The following HIVEP1 variants were observed in gnomAD, a reference collection of about 807,000 sequenced individuals.
HIVEP1 encodes HIVEP zinc finger 1, also known as zinc finger protein 40.
HIVEP1 carries 36 observed loss-of-function variants against 180.0 expected under a neutral mutation model. The ratio of observed to expected loss-of-function variants is 0.20; its 90% confidence interval spans 0.15 to 0.26. The LOEUF is 0.26. HIVEP1 is among the 10% of genes least tolerant of loss of function. HIVEP1 has a pLI of 1.00. For synonymous variants in HIVEP1, 1,239 were observed against 1,239.0 expected (o/e 1.00, Z 0.00); for missense variants, 3,143 against 3,268.7 (o/e 0.96, Z 0.94).
At position 12,123,694 on chromosome 6, in the gene HIVEP1, C is replaced by T. The variant is rs765842096; in HGVS notation, c.3899C>T (p.Ser1300Phe). The T allele has an allele frequency of 1.2e-6, 2 of 1,613,950 alleles. No individual in the cohort carries two copies. The highest frequency in any genetic ancestry group is 2.2e-5 in the East Asian group (1 of 44,890). ...TCCTCAACAGAATCGAGCTTTGATT[C>T]CACTCTCTCCAGGAGTCTAAGTAGG... ...EHSSTESSFD[S>F]TLSRSLSRES... The change falls in exon 4 of 9, where the codon TCC becomes TTC. Residue 1300 changes from serine to phenylalanine, a missense_variant. By Grantham distance (155) the Ser-to-Phe change is radical. This residue lies in a region of HIVEP1 where 1,357 missense variants were observed against 1,260.5 expected (regional missense o/e 1.08). Coordinates refer to ENST00000379388, the MANE Select transcript of HIVEP1 (RefSeq NM_002114.4).
At chr6:12,129,634 C>G (rs1323557111) in intron 4 of HIVEP1, 125 bp from the exon 5 acceptor site, 1 of 773,580 alleles carries the variant, frequency 1.3e-6, no homozygotes, top group Non-Finnish European at 2.3e-6. Flanking sequence ...GAACCTATTA[C>G]TACTTTGAAA....
At chr6:12,092,312 A>G (rs1267808584) in intron 3 of HIVEP1, among the ~76,000 whole-genome samples, 1 of 152,218 alleles carries the variant, frequency 6.6e-6, no homozygotes, top group Non-Finnish European at 1.5e-5. Flanking sequence ...GAACTTTTAA[A>G]TGAAACCATA....
chr6:12,076,027 C>G (rs1159235497), intron 2 of HIVEP1, among the ~76,000 whole-genome samples: 1 of 152,126 alleles, frequency 6.6e-6, no homozygotes, highest in Non-Finnish European at 1.5e-5. Flanking sequence ...TTCTTTTGAT[C>G]TGTGGGTACC....
chr6:12,026,076 A>G (rs969958535), intron 2 of HIVEP1, among the ~76,000 whole-genome samples: 18 of 152,296 alleles, frequency 1.2e-4, no homozygotes, highest in African/African-American at 4.3e-4. Context: ...AAGGGATCAT[A>G]GAGAATTCTG....
At chr6:12,130,034 A>T in intron 5 of HIVEP1, 142 bp downstream of exon 5, 1 of 619,456 alleles carries the variant, frequency 1.6e-6, no homozygotes, top group Non-Finnish European at 2.9e-6. Context: ...TCTCCATAGC[A>T]AAATATGTTA....
chr6:12,133,424 A>G (rs990941509), intron 6 of HIVEP1, among the ~76,000 whole-genome samples: 3 of 152,218 alleles, frequency 2.0e-5, no homozygotes, highest in Non-Finnish European at 4.4e-5. Flanking sequence ...CAGAAAAATT[A>G]TTTATTAAAT....
Position 12,124,752 on chromosome 6 carries a change from A to G in HIVEP1, c.4957A>G (p.Thr1653Ala). Reference sequence around the variant, plus strand: ...TCCTGCTTACTGTTTTGCTACACTCACATCCCTGCCACAAATACTAGTGAC... The same window carrying G: ...TCCTGCTTACTGTTTTGCTACACTCGCATCCCTGCCACAAATACTAGTGAC... ...SVPAYCFATLTSLPQILVTQD... is the reference protein window; with the variant it reads ...SVPAYCFATLASLPQILVTQD... The change falls in exon 4 of 9, where the codon ACA becomes GCA. Residue 1653 changes from threonine (T) to alanine (A), a missense_variant. Thr to Ala is a moderately conservative substitution (Grantham distance 58). Around this residue, in one of 12 missense-constraint regions of HIVEP1, gnomAD observed 1,357 missense variants for 1,260.5 expected, o/e 1.08. Coordinates refer to ENST00000379388, the MANE Select transcript of HIVEP1 (RefSeq NM_002114.4). 6.2e-7 allele frequency: 1 copy of G among 1,614,174 alleles called. No homozygotes were observed. Among genetic ancestry groups the G allele is most frequent in the Non-Finnish European group, 8.5e-7 (1 of 1,180,018 alleles).
intron 6 of HIVEP1, among the ~76,000 whole-genome samples, chr6:12,131,391 C>G (rs1758408413): frequency 1.3e-5 from 2 of 151,374 alleles, no homozygotes; most frequent in Admixed American, 6.6e-5. Flanking sequence ...GTTTTATTGT[C>G]TGATTTTAGG....
chr6:12,017,008 C>A (rs567029684), intron 2 of HIVEP1, among the ~76,000 whole-genome samples: 141 of 152,308 alleles, frequency 9.3e-4, no homozygotes, highest in Non-Finnish European at 1.7e-3. Flanking sequence ...TTCCTGGCAG[C>A]TAATGGCAGC....
intron 2 of HIVEP1, among the ~76,000 whole-genome samples, chr6:12,072,048 A>G (rs922107904): frequency 6.6e-6 from 1 of 150,840 alleles, no homozygotes; most frequent in Non-Finnish European, 1.5e-5. Flanking sequence ...GATTTTGTGG[A>G]CCTCATAGTC....
intron 7 of HIVEP1, among the ~76,000 whole-genome samples, chr6:12,158,914 C>T (rs754467983): frequency 3.3e-5 from 5 of 152,258 alleles, no homozygotes; most frequent in East Asian, 3.9e-4. Flanking sequence ...TGGAACACAG[C>T]GGACACTTCT....
In HIVEP1 at chr6:12,125,108, T is replaced by G; in HGVS notation, c.5313T>G (p.Ala1771=). 2 of 1,613,568 alleles carry G rather than the reference T, an allele frequency of 1.2e-6. No individual in the cohort carries two copies. Among genetic ancestry groups the G allele is most frequent in the Non-Finnish European group, 1.7e-6 (2 of 1,179,830 alleles). The part of the protein sequence containing the change: ...HQKRAKDENG[A]VCATDVRPLE... ...AGCGGGCCAAAGATGAAAATGGAGC[T>G]GTTTGTGCAACAGACGTGAGACCTT... The change falls in exon 4 of 9, where the codon GCT becomes GCG. Residue 1771 remains alanine, a synonymous_variant. Coordinates refer to ENST00000379388, the MANE Select transcript of HIVEP1 (RefSeq NM_002114.4).
intron 2 of HIVEP1, among the ~76,000 whole-genome samples, chr6:12,074,822 T>C (rs1195837962): frequency 2.0e-5 from 3 of 152,098 alleles, no homozygotes; most frequent in South Asian, 4.1e-4. Context: ...TTTATAAAGA[T>C]AGAAAGAATG....
intron 2 of HIVEP1, among the ~76,000 whole-genome samples, chr6:12,024,249 A>ATTTT (rs201215779): frequency 7.4e-6 from 1 of 134,862 alleles, no homozygotes; most frequent in Non-Finnish European, 1.6e-5. Flanking sequence ...ATTGATTTTG[A>ATTTT]TTTTTTTTTT....
At chr6:12,186,177 G>A in the HIVEP1 span, among the ~76,000 whole-genome samples, 1 of 151,810 alleles carries the variant, frequency 6.6e-6, no homozygotes. Context: ...AACAAAATGT[G>A]TGTATCCATA....
the HIVEP1 span, among the ~76,000 whole-genome samples, chr6:12,211,367 T>A: frequency 1.0e-5 from 1 of 95,506 alleles, no homozygotes; most frequent in African/African-American, 4.9e-5. Flanking sequence ...GCCACTGCAC[T>A]CCAGCCTGGG....
At chr6:12,010,946 C>T (rs928303582), upstream of HIVEP1, among the ~76,000 whole-genome samples, 3 of 152,152 alleles carry the variant, frequency 2.0e-5, no homozygotes, top group African/African-American at 7.2e-5. Context: ...CTTTTCTGTC[C>T]CCGAAGTCCC....
chr6:12,021,210 A>G (rs994192032), intron 2 of HIVEP1, among the ~76,000 whole-genome samples: 14 of 152,152 alleles, frequency 9.2e-5, no homozygotes, highest in African/African-American at 7.2e-5. Context: ...TGTGAGAAGT[A>G]GCACTGAGGA....
chr6:12,043,017 C>G (rs898263969), intron 2 of HIVEP1, among the ~76,000 whole-genome samples: 1 of 152,124 alleles, frequency 6.6e-6, no homozygotes, highest in African/African-American at 2.4e-5. Flanking sequence ...AATGAAGAAT[C>G]TTTTCTCGCA....
Sources: gnomAD v4.1 joint callset for allele counts (sites outside exome capture counted in the v4.1 genomes callset) on GRCh38, gnomAD v4.1.1 for gene constraint, gnomAD v4.1.1 regional missense constraint, MANE v1.5 for transcripts, NCBI Gene and HGNC (gene_info 2026-07-23, HGNC 2026-07-21) for gene names.